RWDD4: variants seen among roughly 807,000 people sequenced by gnomAD.
RWDD4 encodes the protein RWD domain containing 4, also known as RWD domain-containing protein 4.
In RWDD4, 16 loss-of-function variants were observed where a neutral mutation model predicts 30.0. That is an observed-to-expected ratio of 0.53 (90% CI 0.36 to 0.81). RWDD4 has a LOEUF of 0.81. Ranked by LOEUF, RWDD4 falls within the 30% of genes least tolerant of loss-of-function variation. The probability of loss-of-function intolerance (pLI) is 0.00; values close to 1 mark genes in which losing one functional copy is unlikely to be tolerated. For synonymous variants in RWDD4, 45 were observed against 72.1 expected, an observed-to-expected ratio of 0.62 and a Z score of 1.90; for missense variants, 170 against 223.9, an observed-to-expected ratio of 0.76 and a Z score of 1.54.
intron 1 of RWDD4, among the ~76,000 whole-genome samples, chr4:183,656,566 T>C (rs769387171): frequency 2.0e-5 from 3 of 152,188 alleles, no homozygotes; most frequent in Non-Finnish European, 4.4e-5. Flanking sequence ...ATTTTGGTAT[T>C]ACAACTGAGA....
In RWDD4 at chr4:183,658,948, C is replaced by T. The variant is rs761086916; in HGVS notation, c.5G>A (p.Ser2Asn). The part of the protein sequence containing the change: M[S>N]ANEDQEMELE... ...GCTCACCTCCTGGTCCTCGTTGGCACTCATCGCGCCGGTCGCGGGGCGCCT... is the reference window on the plus strand; with the variant it reads ...GCTCACCTCCTGGTCCTCGTTGGCATTCATCGCGCCGGTCGCGGGGCGCCT... Residue 2 changes from serine to asparagine, a missense_variant, in exon 1 of 8, where the codon AGT becomes AAT. Transcript: ENST00000326397. The T allele has an allele frequency of 3.9e-6, 5 of 1,275,112 alleles. No homozygotes were observed. Among genetic ancestry groups the T allele is most frequent in the Middle Eastern group, 3.0e-4 (1 of 3,280 alleles). The allele number at this position is 1,275,112 out of a possible 1,614,324, so 79.0% of individuals were successfully genotyped here.
intron 4 of RWDD4, among the ~76,000 whole-genome samples, chr4:183,650,488 C>T (rs557928737): frequency 3.3e-5 from 5 of 152,216 alleles, no homozygotes; most frequent in Admixed American, 6.5e-5. Flanking sequence ...AGATGCTTAA[C>T]GTCATGAAAG....
At chr4:183,651,614 A>G (rs1173471625) in intron 2 of RWDD4, among the ~76,000 whole-genome samples, 5 of 152,130 alleles carry the variant, frequency 3.3e-5, no homozygotes, top group Admixed American at 2.6e-4. Context: ...CATCTTAGGT[A>G]TTTTTTAGTG....
In RWDD4 at chr4:183,650,904, T is replaced by C. The variant is rs1342951373; in HGVS notation, c.363+80A>G. On this transcript the variant is annotated intron_variant, in intron 4 of 7. Coordinates refer to ENST00000326397, the MANE Select transcript of RWDD4 (RefSeq NM_152682.4). ...AAGTCTTCTTCCGATTTTGAATATATATTAAGTAGTACAAATTTATTGCTA... is the reference window on the plus strand; with the variant it reads ...AAGTCTTCTTCCGATTTTGAATATACATTAAGTAGTACAAATTTATTGCTA... The C allele has an allele frequency of 6.3e-6, 9 of 1,418,088 alleles. No individual in the cohort carries two copies. In the South Asian group the frequency reaches 6.7e-5, roughly 11 times the overall value. The allele number at this position is 1,418,088 out of a possible 1,614,324, so 87.8% of individuals were successfully genotyped here.
Position 183,651,289 on chromosome 4 carries a change from C to T in RWDD4, c.144G>A (p.Glu48=), listed in dbSNP as rs369320250. ...ENGDPKAFLI[E]ISWTETYPQT... ...GGGGATATGTTTCTGTCCAGGAAAT[C>T]TCTATTAAGAAGGCTTTGGGATCAC... Residue 48 remains glutamate, a synonymous_variant, in exon 3 of 8, where the codon GAG becomes GAA. Transcript: ENST00000326397. 1 of 1,612,448 alleles carries T rather than the reference C, an allele frequency of 6.2e-7. No homozygotes were observed. Among genetic ancestry groups the T allele is most frequent in the East Asian group, 2.2e-5 (1 of 44,854 alleles).
intron 2 of RWDD4, among the ~76,000 whole-genome samples, chr4:183,655,571 A>G (rs1194841157): frequency 1.3e-5 from 2 of 152,222 alleles, no homozygotes; most frequent in Non-Finnish European, 2.9e-5. Context: ...GGTGAGAGCC[A>G]CCGCGCCCAG....
chr4:183,650,372 C>A (rs1310663689), intron 4 of RWDD4, among the ~76,000 whole-genome samples: 1 of 152,178 alleles, frequency 6.6e-6, no homozygotes, highest in African/African-American at 2.4e-5. Flanking sequence ...AGAAGACAGG[C>A]CTTGCTGCCA....
rs1335588249 is a variant in RWDD4 at position 183,641,063 on chromosome 4, C to T, written c.*373G>A. On this transcript the variant is annotated 3_prime_UTR_variant, in exon 8 of 8. Coordinates refer to ENST00000326397, the MANE Select transcript of RWDD4 (RefSeq NM_152682.4). Reference sequence around the variant, plus strand: ...TGGAGTAACTGTTCACTGAGTACTCCGCTCCACTGGGATGATAGTTTGAAA... The same window carrying T: ...TGGAGTAACTGTTCACTGAGTACTCTGCTCCACTGGGATGATAGTTTGAAA... 16 of 232,456 alleles carry T rather than the reference C, an allele frequency of 6.9e-5. No homozygotes were observed. The highest frequency in any genetic ancestry group is 1.7e-4 in the Admixed American group (3 of 17,158). 14.4% of individuals were successfully genotyped at this position (232,456 alleles called of 1,614,324 possible). A position where few individuals can be genotyped will look rare whatever the true frequency, so the allele number is the denominator to read the frequency against.
At chr4:183,654,393 C>G (rs1734143348) in intron 2 of RWDD4, among the ~76,000 whole-genome samples, 1 of 152,132 alleles carries the variant, frequency 6.6e-6, no homozygotes, top group Admixed American at 6.5e-5. Context: ...GGGAAGTCAA[C>G]TAGGAGGCTA....
chr4:183,652,754 G>A (rs1478117117), intron 2 of RWDD4, among the ~76,000 whole-genome samples: 1 of 149,974 alleles, frequency 6.7e-6, no homozygotes, highest in Admixed American at 6.6e-5. Flanking sequence ...AGGTTGCAGT[G>A]AGCCGAGATA....
chr4:183,654,956 T>C (rs938681645), intron 2 of RWDD4, among the ~76,000 whole-genome samples: 3 of 152,070 alleles, frequency 2.0e-5, no homozygotes, highest in African/African-American at 7.2e-5. Flanking sequence ...TTTTTTTGTT[T>C]TTTTTTTTGA....
chr4:183,651,329 T>C lies in RWDD4; in HGVS notation c.106-2A>G. The C allele has an allele frequency of 6.2e-7, 1 of 1,601,976 alleles. No homozygotes were observed. The highest frequency in any genetic ancestry group is 1.1e-5 in the South Asian group (1 of 90,074). ...TTTGGGATCACCATTTTCACCTATC[T>C]GAAGAGAAGGGGAAATCTTAGGCTT... On this transcript the variant is annotated splice_acceptor_variant, in intron 2 of 7. Transcript: ENST00000326397. LOFTEE classifies it high-confidence loss of function.
intron 1 of RWDD4, among the ~76,000 whole-genome samples, chr4:183,658,658 G>A (rs1342264800): frequency 6.6e-6 from 1 of 152,234 alleles, no homozygotes; most frequent in Non-Finnish European, 1.5e-5. Flanking sequence ...GCACTGGATC[G>A]TGCACCAAGG....
chr4:183,642,684 T>C (rs1320027224), intron 7 of RWDD4, among the ~76,000 whole-genome samples: 2 of 152,206 alleles, frequency 1.3e-5, no homozygotes, highest in Admixed American at 1.3e-4. Flanking sequence ...CAAGCACACA[T>C]TCTCTTAGTG....
At position 183,658,106 on chromosome 4, in the gene RWDD4, C is replaced by T. The variant is rs78572334; in HGVS notation, c.24+823G>A. 1.0e-2 allele frequency among the ~76,000 whole-genome samples: 1,522 copies of T among 152,276 alleles called. 57 individuals carry two copies. The highest frequency in any genetic ancestry group is 0.1 in the East Asian group (516 of 5,174). The stretch of plus-strand genomic sequence containing the variant: ...GATATCAACTAGCTAGCTTGTTGGA[C>T]TTTGGGTCCTTTAAAGGTTAACTTC... On this transcript the variant is annotated intron_variant, in intron 1 of 7. Transcript: ENST00000326397.
chr4:183,645,329 C>T (rs180868927), intron 7 of RWDD4, among the ~76,000 whole-genome samples: 140 of 152,200 alleles, frequency 9.2e-4, no homozygotes, highest in African/African-American at 3.1e-3. Context: ...ATTAGTGTAA[C>T]GTATTTGAAA....
At chr4:183,652,738 A>G (rs1346290164) in intron 2 of RWDD4, among the ~76,000 whole-genome samples, 1 of 150,778 alleles carries the variant, frequency 6.6e-6, no homozygotes, top group African/African-American at 2.5e-5. Context: ...TGAATCTGGT[A>G]GGCAGAGGTT....
intron 1 of RWDD4, among the ~76,000 whole-genome samples, chr4:183,657,887 A>G (rs949383743): frequency 2.0e-5 from 3 of 152,214 alleles, no homozygotes; most frequent in African/African-American, 7.2e-5. Flanking sequence ...CACCACAGAA[A>G]TTCTGATTCA....
intron 2 of RWDD4, chr4:183,653,628 TCTC>T (rs1260415480): frequency 6.6e-6 from 1 of 152,186 alleles, no homozygotes; most frequent in Admixed American, 6.5e-5. Context: ...GCTATGCTAA[TCTC>T]CTCTGTATTG....
Sources: gnomAD v4.1 joint callset for allele counts (sites outside exome capture counted in the v4.1 genomes callset) on GRCh38, gnomAD v4.1.1 for gene constraint, MANE v1.5 for transcripts, NCBI Gene and HGNC (gene_info 2026-07-23, HGNC 2026-07-21) for gene names.